Variants in NEK5 observed in about 807,000 individuals in gnomAD.
NEK5 encodes the protein NIMA related kinase 5, also known as serine/threonine-protein kinase Nek5.
Under a neutral mutation model 109.2 loss-of-function variants are expected in NEK5, and 88 were observed. The observed-to-expected ratio is 0.81, with a 90% CI of 0.68 to 0.96. The LOEUF (loss-of-function observed/expected upper bound fraction) is 0.96. Among genes scored for constraint, NEK5 ranks in the 40% least tolerant of loss-of-function variants. The pLI is 0.00. For missense variants in NEK5, 834 were observed against 920.7 expected, an observed-to-expected ratio of 0.91 and a Z score of 1.22; for synonymous variants, 283 against 299.9, an observed-to-expected ratio of 0.94 and a Z score of 0.58.
At chr13:52,065,663 T>G in intron 20 of NEK5, 54 bp from the exon 21 acceptor site, 2 of 1,309,154 alleles carry the variant, frequency 1.5e-6, no homozygotes, top group Non-Finnish European at 2.2e-6. Flanking sequence ...TGTGACTAAT[T>G]GTCCCAAACA....
chr13:52,102,222 C>G lies in NEK5; in HGVS notation c.680G>C (p.Gly227Ala). The G allele has an allele frequency of 6.2e-7, 1 of 1,613,964 alleles. No homozygotes were observed. Among genetic ancestry groups the G allele is most frequent in the Non-Finnish European group, 8.5e-7 (1 of 1,179,924 alleles). Residue 227 changes from glycine to alanine, a missense_variant, in exon 10 of 24, where the codon GGG becomes GCG. Around this residue, in one of 2 missense-constraint regions of NEK5, gnomAD observed 777 missense variants for 824.7 expected, o/e 0.94. Transcript: ENST00000684899. ...CQAHFAPISP[G>A]FSRELHSLIS... is the part of the protein sequence containing the mutation. ...CAAGGAATGGAGCTCACGAGAAAACCCCGGAGATATTGGGGCAAAATGTGC... is the reference window on the plus strand; with the variant it reads ...CAAGGAATGGAGCTCACGAGAAAACGCCGGAGATATTGGGGCAAAATGTGC...
chr13:52,060,520 A>C (rs1301256172), intron 22 of NEK5, among the ~76,000 whole-genome samples: 1 of 151,762 alleles, frequency 6.6e-6, no homozygotes, highest in Admixed American at 6.6e-5. Context: ...ATGCCCACCT[A>C]ATTTTTGTAT....
chr13:52,092,214 T>C (rs967526114), intron 13 of NEK5, among the ~76,000 whole-genome samples: 5 of 150,074 alleles, frequency 3.3e-5, no homozygotes, highest in African/African-American at 4.9e-5. Context: ...TATCAACACA[T>C]TTATTGCTTT....
intron 12 of NEK5, among the ~76,000 whole-genome samples, chr13:52,096,881 C>T (rs532270394): frequency 6.6e-6 from 1 of 152,322 alleles, no homozygotes; most frequent in African/African-American, 2.4e-5. Flanking sequence ...CCTCTCATCA[C>T]AGGCCCAGAG....
At chr13:52,073,586 A>T (rs1954816502) in intron 19 of NEK5, among the ~76,000 whole-genome samples, 1 of 152,110 alleles carries the variant, frequency 6.6e-6, no homozygotes, top group Non-Finnish European at 1.5e-5. Context: ...AAGTGCTGGG[A>T]TTACAGCTGT....
At chr13:52,079,139 A>G (rs908320777) in intron 17 of NEK5, among the ~76,000 whole-genome samples, 7 of 152,228 alleles carry the variant, frequency 4.6e-5, no homozygotes, top group Admixed American at 3.9e-4. Flanking sequence ...TGTGCTAGAA[A>G]CTTCACCAGG....
Position 52,127,466 on chromosome 13 carries a change from A to G in NEK5, c.17T>C (p.Val6Ala), listed in dbSNP as rs746450279. The G allele has an allele frequency of 1.1e-5, 17 of 1,603,142 alleles. No homozygotes were observed. The highest frequency in any genetic ancestry group is 2.7e-5 in the African/African-American group (2 of 74,656). Reference protein sequence around the residue: MDKYDVIKAIGQGAFG... With the variant: MDKYDAIKAIGQGAFG... ...GGCACCTTGCCCGATGGCCTTAATCACATCGTACTTATCCATGGTCTCCAA... is the reference window on the plus strand; with the variant it reads ...GGCACCTTGCCCGATGGCCTTAATCGCATCGTACTTATCCATGGTCTCCAA... The change falls in exon 3 of 24, where the codon GTG (valine) becomes GCG (alanine). Residue 6 changes from valine (V) to alanine (A), a missense_variant. This residue lies in a region of NEK5 where 777 missense variants were observed against 824.7 expected (regional missense o/e 0.94). Transcript: ENST00000684899.
In NEK5 at chr13:52,099,610, C is replaced by T. The variant is rs1050621346; in HGVS notation, c.1026+133G>A. ...GCTTGAACCCGGGAGGTGGAGTTTG[C>T]GGTGAGCCGAGATCGCGCCACTGCA... On this transcript the variant is annotated intron_variant, in intron 12 of 23. Coordinates refer to ENST00000684899, the MANE Select transcript of NEK5 (RefSeq NM_001365552.1). 86 of 841,008 alleles carry T rather than the reference C, an allele frequency of 1.0e-4. 1 individual carries two copies. Among genetic ancestry groups the T allele is most frequent in the South Asian group, 8.8e-4 (48 of 54,714 alleles). 52.1% of individuals were successfully genotyped at this position (841,008 alleles called of 1,614,324 possible).
chr13:52,110,206 G>A, intron 7 of NEK5, 134 bp downstream of exon 7: 1 of 625,468 alleles, frequency 1.6e-6, no homozygotes, highest in Non-Finnish European at 2.9e-6. Flanking sequence ...ACCATCTGAT[G>A]TAATGCATTT....
chr13:52,110,225 C>G (rs1246858591), intron 7 of NEK5, 115 bp downstream of exon 7: 5 of 678,880 alleles, frequency 7.4e-6, no homozygotes, highest in Non-Finnish European at 1.3e-5. Flanking sequence ...TTACATAAAG[C>G]TACCTAAAAT....
chr13:52,067,926 G>A (rs1181987479), intron 20 of NEK5, among the ~76,000 whole-genome samples: 1 of 151,972 alleles, frequency 6.6e-6, no homozygotes, highest in Non-Finnish European at 1.5e-5. Flanking sequence ...TCCTGGCCTT[G>A]AGAGATCTGC....
intron 22 of NEK5, among the ~76,000 whole-genome samples, chr13:52,058,562 G>C (rs1954583285): frequency 6.6e-6 from 1 of 151,968 alleles, no homozygotes; most frequent in Non-Finnish European, 1.5e-5. Flanking sequence ...ATACTACAAG[G>C]CTACAGTAAC....
intron 21 of NEK5, 83 bp downstream of exon 21, chr13:52,065,401 A>G: frequency 1.3e-6 from 2 of 1,587,866 alleles, no homozygotes. Context: ...AGTGAGAAGT[A>G]GACTATCACA....
At chr13:52,112,231 C>T (rs1157181982) in intron 5 of NEK5, 37 bp downstream of exon 5, 2 of 1,101,094 alleles carry the variant, frequency 1.8e-6, no homozygotes, top group African/African-American at 1.5e-5. Context: ...CCCCACCACA[C>T]ATACATAAAA....
In NEK5 at chr13:52,119,320, TTGAAA is replaced by T; in HGVS notation, c.208_212del (p.Phe70ArgfsTer13). ...TTAACGAATATTAGAAAATCAAACC[TTGAAA>T]TGAATTGAAGAAGGCTACAATGTTG... On this transcript the variant is annotated frameshift_variant and splice_region_variant, in exon 4 of 24. Coordinates refer to ENST00000684899, the MANE Select transcript of NEK5 (RefSeq NM_001365552.1). LOFTEE classifies it high-confidence loss of function. 1 of 1,545,446 alleles carries T rather than the reference TTGAAA, an allele frequency of 6.5e-7. No individual in the cohort carries two copies. Among genetic ancestry groups the T allele is most frequent in the Non-Finnish European group, 8.9e-7 (1 of 1,124,676 alleles).
chr13:52,089,198 A>C, intron 14 of NEK5, 49 bp downstream of exon 14: 1 of 1,178,586 alleles, frequency 8.5e-7, no homozygotes, highest in South Asian at 1.3e-5. Flanking sequence ...TGAACAGAAA[A>C]ACTATTAGGA....
chr13:52,099,627 G>T (rs903357488), intron 12 of NEK5, 116 bp downstream of exon 12: 1 of 1,077,846 alleles, frequency 9.3e-7, no homozygotes. Flanking sequence ...CCGAGATCGC[G>T]CCACTGCACT....
chr13:52,056,705 C>A (rs894500588), intron 22 of NEK5, among the ~76,000 whole-genome samples: 1 of 151,608 alleles, frequency 6.6e-6, no homozygotes, highest in Non-Finnish European at 1.5e-5. Context: ...CTAGTGGGTA[C>A]ATAACGATAT....
At chr13:52,112,200 A>C in intron 5 of NEK5, 68 bp downstream of exon 5, 3 of 806,222 alleles carry the variant, frequency 3.7e-6, no homozygotes, top group Non-Finnish European at 6.3e-6. Flanking sequence ...ACTACTTATG[A>C]CATTATAAAT....
Sources: allele counts gnomAD v4.1 joint callset (sites outside exome capture counted in the v4.1 genomes callset), GRCh38; gene constraint gnomAD v4.1.1; regional missense constraint gnomAD v4.1.1; transcripts MANE v1.5; gene names NCBI Gene and HGNC (gene_info 2026-07-23, HGNC 2026-07-21).